NTM: variants seen among roughly 807,000 people sequenced by gnomAD.
NTM encodes the protein IgLON family member 2.
NTM carries 13 observed loss-of-function variants against 42.1 expected under a neutral mutation model. The ratio of observed to expected loss-of-function variants is 0.31; its 90% CI spans 0.20 to 0.49. NTM has a LOEUF of 0.49. Among genes scored for constraint, NTM ranks in the 20% least tolerant of loss-of-function variants. The probability of loss-of-function intolerance (pLI) is 0.99; values close to 1 mark genes in which losing one functional copy is unlikely to be tolerated. For synonymous variants in NTM, 187 were observed against 179.2 expected (o/e 1.04, Z -0.35); for missense variants, 373 against 452.8 (o/e 0.82, Z 1.60).
chr11:131,612,973 C>T (rs1221725140), intron 1 of NTM, among the ~76,000 whole-genome samples: 1 of 152,192 alleles, frequency 6.6e-6, no homozygotes, highest in Non-Finnish European at 1.5e-5. Flanking sequence ...TGGAATTATC[C>T]ATAGCTGCTA....
intron 2 of NTM, among the ~76,000 whole-genome samples, chr11:131,949,792 C>T (rs973121179): frequency 6.6e-6 from 1 of 152,158 alleles, no homozygotes; most frequent in Admixed American, 6.5e-5. Context: ...TTTCAGAAGT[C>T]CTGGGAGGGT....
chr11:131,674,864 G>A lies in NTM; in HGVS notation c.83-236700G>A, dbSNP rs149833531. ...GCATGGATTAGGGACCAAGATGTGG[G>A]GCTCATAGTTTACAGAATTTGGTCT... On this transcript the variant is annotated intron_variant, in intron 1 of 8. Coordinates refer to ENST00000683400, the MANE Select transcript of NTM (RefSeq NM_001352005.2). Among the ~76,000 whole-genome samples, 42 of 152,248 alleles carry A rather than the reference G, an allele frequency of 2.8e-4. No individual in the cohort carries two copies. In the East Asian group the frequency reaches 3.9e-3, roughly 14 times the overall value.
At chr11:131,968,995 G>A (rs141324838) in intron 2 of NTM, among the ~76,000 whole-genome samples, 23 of 152,308 alleles carry the variant, frequency 1.5e-4, no homozygotes, top group African/African-American at 4.6e-4. Context: ...ATCAAGCACA[G>A]TTTATTACAG....
At chr11:131,763,693 A>C (rs2084603858) in intron 1 of NTM, among the ~76,000 whole-genome samples, 3 of 103,156 alleles carry the variant, frequency 2.9e-5, no homozygotes, top group East Asian at 3.8e-4. Flanking sequence ...TCTTATCCAC[A>C]GGCCCATCTC....
rs999699118 is a variant in NTM at position 131,640,210 on chromosome 11, A to T, written c.82+269322A>T. ...TCAAAGGGTTTCCTTAAGCCTAAGC[A>T]AAGGATGAGACCAAACCGGAGGAAA... On this transcript the variant is annotated intron_variant, in intron 1 of 8. Coordinates refer to ENST00000683400, the MANE Select transcript of NTM (RefSeq NM_001352005.2). 3.9e-5 allele frequency among the ~76,000 whole-genome samples: 6 copies of T among 152,182 alleles called. 1 individual carries two copies. Among genetic ancestry groups the T allele is most frequent in the Admixed American group, 3.3e-4 (5 of 15,288 alleles).
At chr11:131,423,970 G>T (rs1227118664) in intron 1 of NTM, among the ~76,000 whole-genome samples, 5 of 152,172 alleles carry the variant, frequency 3.3e-5, no homozygotes, top group Admixed American at 3.3e-4. Flanking sequence ...GGCTACAAGT[G>T]GTGCCCACCT....
chr11:132,110,666 A>G (rs780187893), intron 2 of NTM, among the ~76,000 whole-genome samples: 1 of 152,208 alleles, frequency 6.6e-6, no homozygotes, highest in Non-Finnish European at 1.5e-5. Flanking sequence ...TCAAAATTTC[A>G]ATGAATCAAC....
At chr11:132,046,960 A>T (rs1227564669) in intron 2 of NTM, among the ~76,000 whole-genome samples, 1 of 152,184 alleles carries the variant, frequency 6.6e-6, no homozygotes, top group Non-Finnish European at 1.5e-5. Context: ...TTACATTAAG[A>T]TCTTATTCAG....
At chr11:131,661,236 G>T (rs2068017037) in intron 1 of NTM, 1 of 322,130 alleles carries the variant, frequency 3.1e-6, no homozygotes, top group African/African-American at 2.2e-5. Context: ...TTTGCTAGAG[G>T]TCTTTCCTGG....
intron 1 of NTM, among the ~76,000 whole-genome samples, chr11:131,632,403 A>T (rs1015984430): frequency 6.6e-6 from 1 of 152,042 alleles, no homozygotes; most frequent in African/African-American, 2.4e-5. Context: ...TTACTTCTTC[A>T]TCTCAGTCTG....
At chr11:132,320,195 G>A (rs990035890) in intron 7 of NTM, among the ~76,000 whole-genome samples, 1 of 152,230 alleles carries the variant, frequency 6.6e-6, no homozygotes, top group Non-Finnish European at 1.5e-5. Context: ...AATAGGAACA[G>A]CTCTGGTCTA....
intron 1 of NTM, among the ~76,000 whole-genome samples, chr11:131,591,390 G>A (rs1212335972): frequency 1.3e-5 from 2 of 152,196 alleles, no homozygotes; most frequent in Non-Finnish European, 2.9e-5. Flanking sequence ...GGGCCTGCTT[G>A]GTCTATCTGC....
intron 4 of NTM, among the ~76,000 whole-genome samples, chr11:132,249,067 C>A (rs1262149082): frequency 6.6e-6 from 1 of 152,220 alleles, no homozygotes; most frequent in Non-Finnish European, 1.5e-5. Flanking sequence ...GTCTCTGTGA[C>A]AGTTCAGTTC....
At chr11:131,533,952 C>T (rs987309751) in intron 1 of NTM, 7 of 152,286 alleles carry the variant, frequency 4.6e-5, no homozygotes, top group Admixed American at 2.0e-4. Context: ...TCCAGGGACG[C>T]GTGTATTTCT....
chr11:131,503,661 C>T (rs2047115744), intron 1 of NTM, among the ~76,000 whole-genome samples: 1 of 149,360 alleles, frequency 6.7e-6, no homozygotes, highest in Admixed American at 6.7e-5. Flanking sequence ...TAGCTGGGAC[C>T]ACAGGCACAC....
intron 2 of NTM, among the ~76,000 whole-genome samples, chr11:131,940,626 G>A (rs779449473): frequency 1.3e-5 from 2 of 152,170 alleles, no homozygotes; most frequent in South Asian, 2.1e-4. Flanking sequence ...GTTCAGTAAT[G>A]TTTTCTTATT....
intron 3 of NTM, among the ~76,000 whole-genome samples, chr11:132,180,602 C>A (rs1470233345): frequency 6.6e-6 from 1 of 152,000 alleles, no homozygotes; most frequent in Non-Finnish European, 1.5e-5. Flanking sequence ...ACCAACCAAC[C>A]GAACAAAAAA....
chr11:131,718,293 C>A (rs192934657), intron 1 of NTM, among the ~76,000 whole-genome samples: 30 of 152,254 alleles, frequency 2.0e-4, no homozygotes, highest in African/African-American at 6.7e-4. Flanking sequence ...GATATGATTT[C>A]TTCCTTCACT....
intron 1 of NTM, among the ~76,000 whole-genome samples, chr11:131,844,803 T>C (rs1361941779): frequency 6.6e-6 from 1 of 152,226 alleles, no homozygotes; most frequent in East Asian, 1.9e-4. Flanking sequence ...GATATTTCTA[T>C]ATTCATCTTA....
Sources: gnomAD v4.1 joint callset for allele counts (sites outside exome capture counted in the v4.1 genomes callset) on GRCh38, gnomAD v4.1.1 for gene constraint, MANE v1.5 for transcripts, NCBI Gene and HGNC (gene_info 2026-07-23, HGNC 2026-07-21) for gene names.